Variants in VSIR observed in about 807,000 individuals in gnomAD.
VSIR encodes the protein V-set immunoregulatory receptor.
In VSIR, 10 loss-of-function variants were observed where a neutral mutation model predicts 31.0. The ratio of observed to expected loss-of-function variants is 0.32; its 90% CI spans 0.20 to 0.55. The LOEUF (loss-of-function observed/expected upper bound fraction) is 0.55, where lower values mean the gene tolerates loss of function less well. Among genes scored for constraint, VSIR ranks in the 20% least tolerant of loss-of-function variants. The probability of loss-of-function intolerance (pLI) is 0.93; values close to 1 mark genes in which losing one functional copy is unlikely to be tolerated. For synonymous variants in VSIR, 179 were observed against 180.1 expected (o/e 0.99, Z 0.05); for missense variants, 356 against 416.2 (o/e 0.86, Z 1.26).
chr10:71,756,181 C>T (rs1032326807), intron 3 of VSIR, among the ~76,000 whole-genome samples: 6 of 152,096 alleles, frequency 3.9e-5, no homozygotes, highest in East Asian at 1.9e-4. Context: ...AAAAAATATT[C>T]GAATCTCCTC....
intron 1 of VSIR, among the ~76,000 whole-genome samples, chr10:71,765,610 G>T (rs768546906): frequency 6.6e-6 from 1 of 152,182 alleles, no homozygotes; most frequent in Admixed American, 6.5e-5. Context: ...GGGAAGGGAT[G>T]TTCTCCCCTG....
chr10:71,748,790 G>C lies in VSIR; in HGVS notation c.*2463C>G, dbSNP rs576786661. 2 of 152,694 alleles carry C rather than the reference G, an allele frequency of 1.3e-5. No homozygotes were observed. Among genetic ancestry groups the C allele is most frequent in the African/African-American group, 4.8e-5 (2 of 41,436 alleles). The allele number at this position is 152,694 out of a possible 1,614,324, so 9.5% of individuals were successfully genotyped here. On this transcript the variant is annotated 3_prime_UTR_variant, in exon 7 of 7. Coordinates refer to ENST00000394957, the MANE Select transcript of VSIR (RefSeq NM_022153.2). ...CTGGCATCAGAGGCACTACCATCCC[G>C]GGCAACTCAGAGGGCGGCTCCAGCA...
intron 3 of VSIR, among the ~76,000 whole-genome samples, chr10:71,760,249 A>G (rs1375528762): frequency 0.064 from 435 of 6,796 alleles, 104 homozygotes; most frequent in African/African-American, 0.09. Flanking sequence ...ATATATATGT[A>G]TGTATATATA....
chr10:71,754,172 C>A (rs74756563), intron 4 of VSIR, among the ~76,000 whole-genome samples: 1,759 of 152,242 alleles, frequency 0.012, 33 homozygotes, highest in African/African-American at 0.04. Flanking sequence ...CAGCGTTGCT[C>A]TTCTGTTCCA....
intron 1 of VSIR, among the ~76,000 whole-genome samples, chr10:71,766,437 G>C (rs1840546403): frequency 6.6e-6 from 1 of 152,146 alleles, no homozygotes; most frequent in East Asian, 1.9e-4. Context: ...GGGAAAGCCT[G>C]AGTCTCAGGA....
chr10:71,761,498 G>A, intron 2 of VSIR, 100 bp downstream of exon 2: 1 of 1,340,358 alleles, frequency 7.5e-7, no homozygotes, highest in African/African-American at 1.5e-5. Context: ...TGTTACCCAT[G>A]CAGCCTCACA....
rs754304504 is a variant in VSIR at position 71,773,445 on chromosome 10, C to T, written c.-6G>A. ...AGGGCCGTGGGGACGCCCATGTCGC[C>T]GTCGGACGCGCAGAGGAACTTCTGG... On this transcript the variant is annotated 5_prime_UTR_variant, in exon 1 of 7. Coordinates refer to ENST00000394957, the MANE Select transcript of VSIR (RefSeq NM_022153.2). The T allele has an allele frequency of 1.3e-6, 2 of 1,588,622 alleles. No individual in the cohort carries two copies. Among genetic ancestry groups the T allele is most frequent in the South Asian group, 2.3e-5 (2 of 87,988 alleles).
intron 4 of VSIR, 58 bp downstream of exon 4, chr10:71,755,301 G>C (rs1427157736): frequency 2.0e-6 from 3 of 1,464,054 alleles, no homozygotes; most frequent in Non-Finnish European, 2.8e-6. Flanking sequence ...GGCTGAACTG[G>C]GGGCTGGAGC....
At position 71,751,906 on chromosome 10, in the gene VSIR, G is replaced by A. The variant is rs369048655; in HGVS notation, c.705-45C>T. 2.2e-4 allele frequency: 341 copies of A among 1,527,474 alleles called. No individual in the cohort carries two copies. Among genetic ancestry groups the A allele is most frequent in the Non-Finnish European group, 2.8e-4 (318 of 1,129,780 alleles). The allele number at this position is 1,527,474 out of a possible 1,614,324, so 94.6% of individuals were successfully genotyped here. A position where few individuals can be genotyped will look rare whatever the true frequency, so the allele number is the denominator to read the frequency against. On this transcript the variant is annotated intron_variant, in intron 5 of 6. Coordinates refer to ENST00000394957, the MANE Select transcript of VSIR (RefSeq NM_022153.2). This position sits in a 1 kb window ranked among gnomAD's most constrained non-coding sequence, Gnocchi z 4.9. Reference sequence around the variant, plus strand: ...GAAGGTCATCTGTGCTGTCCGGAGCGTGAACTCTGCCCTCCCTGCCCCCAG... The same window carrying A: ...GAAGGTCATCTGTGCTGTCCGGAGCATGAACTCTGCCCTCCCTGCCCCCAG...
At chr10:71,771,137 A>G (rs907682536) in intron 1 of VSIR, among the ~76,000 whole-genome samples, 1 of 152,200 alleles carries the variant, frequency 6.6e-6, no homozygotes, top group Non-Finnish European at 1.5e-5. Flanking sequence ...CTGTGAGGAC[A>G]GGGCAAGGAC....
At chr10:71,759,059 G>GTCTTGCTCT (rs1840222649) in intron 3 of VSIR, among the ~76,000 whole-genome samples, 1 of 150,886 alleles carries the variant, frequency 6.6e-6, no homozygotes, top group African/African-American at 2.4e-5. Flanking sequence ...TTTTTTTTGA[G>GTCTTGCTCT]ATGGAGTCTT....
At chr10:71,772,641 C>T (rs1002083926) in intron 1 of VSIR, among the ~76,000 whole-genome samples, 5 of 152,212 alleles carry the variant, frequency 3.3e-5, no homozygotes, top group African/African-American at 1.2e-4. Flanking sequence ...CAGAGAGATG[C>T]CGTAATTTAT....
intron 3 of VSIR, among the ~76,000 whole-genome samples, chr10:71,757,187 G>A (rs1184287735): frequency 1.3e-5 from 2 of 152,222 alleles, no homozygotes; most frequent in Admixed American, 6.5e-5. Context: ...GATCAAAGCA[G>A]GTCTCCTCTG....
intron 3 of VSIR, among the ~76,000 whole-genome samples, chr10:71,759,930 C>CATATATATACACACACATACATACAT (rs1169681195): frequency 9.2e-5 from 5 of 54,522 alleles, no homozygotes; most frequent in Non-Finnish European, 2.3e-4. Context: ...TACACACACA[C>CATATATATACACACACATACATACAT]ATATATACAC....
At chr10:71,772,218 G>A (rs75988200) in intron 1 of VSIR, among the ~76,000 whole-genome samples, 4,533 of 152,264 alleles carry the variant, frequency 0.03, 215 homozygotes, top group African/African-American at 0.1. Context: ...TGCTGAGATA[G>A]CCAGCTGCCT....
At chr10:71,764,344 T>A (rs1281099880) in intron 1 of VSIR, among the ~76,000 whole-genome samples, 4 of 151,996 alleles carry the variant, frequency 2.6e-5, no homozygotes, top group Non-Finnish European at 5.9e-5. Context: ...TCACTGATGA[T>A]CACACAGCAA....
chr10:71,760,946 C>G (rs747038589), intron 2 of VSIR, 22 bp from the exon 3 acceptor site: 2 of 1,613,114 alleles, frequency 1.2e-6, no homozygotes, highest in South Asian at 2.2e-5. Flanking sequence ...AACAGAAGGG[C>G]CATTAGGTGG....
At chr10:71,762,329 A>T (rs1390858810) in intron 1 of VSIR, among the ~76,000 whole-genome samples, 1 of 152,234 alleles carries the variant, frequency 6.6e-6, no homozygotes, top group Admixed American at 6.5e-5. Flanking sequence ...AGTATATGCA[A>T]AACCTGTTGG....
intron 1 of VSIR, among the ~76,000 whole-genome samples, chr10:71,771,353 G>C (rs1418220038): frequency 6.6e-6 from 1 of 152,188 alleles, no homozygotes; most frequent in African/African-American, 2.4e-5. Flanking sequence ...CCAACCCCAA[G>C]AGCTGGAGAA....
Sources: allele counts gnomAD v4.1 joint callset (sites outside exome capture counted in the v4.1 genomes callset), GRCh38; gene constraint gnomAD v4.1.1; non-coding constraint Gnocchi (gnomAD v3.1); transcripts MANE v1.5; gene names NCBI Gene and HGNC (gene_info 2026-07-23, HGNC 2026-07-21).